HIVEP3: variants seen among roughly 807,000 people sequenced by gnomAD.
The protein encoded by HIVEP3 is HIVEP zinc finger 3, also known as transcription factor HIVEP3.
A neutral mutation model predicts 152.8 loss-of-function variants in HIVEP3; 49 were observed. The observed-to-expected ratio is 0.32, with a 90% CI of 0.26 to 0.41. HIVEP3 has a LOEUF of 0.41. Among genes scored for constraint, HIVEP3 ranks in the 10% least tolerant of loss-of-function variants. The probability of loss-of-function intolerance (pLI) is 1.00; values close to 1 mark genes in which losing one functional copy is unlikely to be tolerated. For synonymous variants in HIVEP3, 1,269 were observed against 1,289.0 expected (o/e 0.98, Z 0.33); for missense variants, 2,790 against 3,103.3 (o/e 0.90, Z 2.40).
chr1:41,805,662 C>T lies in HIVEP3; in HGVS notation c.-800-104667G>A, dbSNP rs148591749. Among the ~76,000 whole-genome samples, 311 of 152,304 alleles carry T rather than the reference C, an allele frequency of 2.0e-3. 1 individual carries two copies. The highest frequency in any genetic ancestry group is 4.8e-3 in the Admixed American group (74 of 15,302). On this transcript the variant is annotated intron_variant, in intron 1 of 8. Transcript: ENST00000372583. ...TCACTGCATCCCAGGCAAGAGGATACGTGACCAAGAGCTGGAGTCCTCTTT... is the reference window on the plus strand; with the variant it reads ...TCACTGCATCCCAGGCAAGAGGATATGTGACCAAGAGCTGGAGTCCTCTTT...
intron 1 of HIVEP3, among the ~76,000 whole-genome samples, chr1:41,826,393 G>C (rs976444799): frequency 2.0e-5 from 3 of 152,172 alleles, no homozygotes; most frequent in African/African-American, 4.8e-5. Context: ...GCATGGGTGT[G>C]AGATGCCCTG....
intron 1 of HIVEP3, among the ~76,000 whole-genome samples, chr1:41,721,746 A>G (rs1208599032): frequency 6.6e-6 from 1 of 152,242 alleles, no homozygotes; most frequent in Non-Finnish European, 1.5e-5. Flanking sequence ...GGGTTGAGTC[A>G]TGGACTCACA....
At position 41,581,697 on chromosome 1, in the gene HIVEP3, C is replaced by G; in HGVS notation, c.3101G>C (p.Arg1034Pro). ...SAPAPVAPPA[R>P]VAPPERRKCF... ...TTTTCTTCTCTCTGGCGGGGCCACC[C>G]GCGCTGGTGGAGCCACTGGGGCTGG... Residue 1034 changes from arginine (R) to proline (P), a missense_variant, in exon 4 of 9, where the codon CGG becomes CCG. Around this residue, in one of 9 missense-constraint regions of HIVEP3, gnomAD observed 1,078 missense variants for 1,165.3 expected, o/e 0.93. Coordinates refer to ENST00000372583, the MANE Select transcript of HIVEP3 (RefSeq NM_024503.5). The surrounding 1 kb of genome is among the most constrained non-coding windows in gnomAD (Gnocchi z 4.5). 2 of 1,613,614 alleles carry G rather than the reference C, an allele frequency of 1.2e-6. No individual in the cohort carries two copies. Among genetic ancestry groups the G allele is most frequent in the Non-Finnish European group, 1.7e-6 (2 of 1,179,804 alleles).
Position 41,580,052 on chromosome 1 carries a change from C to T in HIVEP3, c.4746G>A (p.Lys1582=). The T allele has an allele frequency of 6.2e-7, 1 of 1,614,228 alleles. No individual in the cohort carries two copies. Among genetic ancestry groups the T allele is most frequent in the Non-Finnish European group, 8.5e-7 (1 of 1,180,042 alleles). The change falls in exon 4 of 9, where the codon AAG becomes AAA. Residue 1582 remains lysine (K), a synonymous_variant. Transcript: ENST00000372583. Reference sequence around the variant, plus strand: ...TCTTTGAGTCCGTACCTTCTTGTGACTTGGCTGGTCTGGAGGACGTTTCTG... The same window carrying T: ...TCTTTGAGTCCGTACCTTCTTGTGATTTGGCTGGTCTGGAGGACGTTTCTG... ...PLSETSSRPA[K]SQEGTDSKKV...
At position 41,662,790 on chromosome 1, in the gene HIVEP3, C is replaced by T. The variant is rs1645737772; in HGVS notation, c.-720-33843G>A. ...CAGACAGGGAAGCCCCTGTCGCCGCCGCCGGGGCCCTGCCACTCTGCGCCA... is the reference window on the plus strand; with the variant it reads ...CAGACAGGGAAGCCCCTGTCGCCGCTGCCGGGGCCCTGCCACTCTGCGCCA... On this transcript the variant is annotated intron_variant, in intron 2 of 8. Transcript: ENST00000372583. This position sits in a 1 kb window ranked among gnomAD's most constrained non-coding sequence, Gnocchi z 7.2. Among the ~76,000 whole-genome samples, 1 of 151,948 alleles carries T rather than the reference C, an allele frequency of 6.6e-6. No individual in the cohort carries two copies. Among genetic ancestry groups the T allele is most frequent in the Admixed American group, 6.5e-5 (1 of 15,282 alleles).
At position 41,583,936 on chromosome 1, in the gene HIVEP3, T is replaced by C. The variant is rs781335169; in HGVS notation, c.862A>G (p.Thr288Ala). 32 of 1,614,062 alleles carry C rather than the reference T, an allele frequency of 2.0e-5. No individual in the cohort carries two copies. The highest frequency in any genetic ancestry group is 2.5e-5 in the Non-Finnish European group (30 of 1,180,000). The change falls in exon 4 of 9, where the codon ACT becomes GCT. Residue 288 changes from threonine to alanine, a missense_variant. Around this residue, in one of 9 missense-constraint regions of HIVEP3, gnomAD observed 125 missense variants for 130.1 expected, o/e 0.96. Transcript: ENST00000372583. The surrounding 1 kb of genome is among the most constrained non-coding windows in gnomAD (Gnocchi z 6.9). ...EGESTDSEEE[T>A]SATSGHPAEL... is the part of the protein sequence containing the mutation. ...GCAGGGTGACCAGAGGTGGCACTAG[T>C]CTCCTCTTCAGAATCTGTGCTTTCT...
chr1:41,585,751 C>G (rs72953327), intron 3 of HIVEP3, among the ~76,000 whole-genome samples: 3 of 152,160 alleles, frequency 2.0e-5, no homozygotes, highest in African/African-American at 7.2e-5. Flanking sequence ...GACTGTGCCT[C>G]GGAGCTGCAG....
rs756553493 is a variant in HIVEP3, at chr1:41,740,563, CAG to C, written c.-800-39570_-800-39569del. On this transcript the variant is annotated intron_variant, in intron 1 of 8. Coordinates refer to ENST00000372583, the MANE Select transcript of HIVEP3 (RefSeq NM_024503.5). ...GGAAGAAGGTAAAAACTGCCATATA[CAG>C]AGAGGCTGGCTCTGGGGCATGTGTC... Among the ~76,000 whole-genome samples, 15 of 152,346 alleles carry C rather than the reference CAG, an allele frequency of 9.8e-5. No homozygotes were observed. In the South Asian group the frequency reaches 3.1e-3, roughly 32 times the overall value.
chr1:41,982,969 G>A (rs1461699650), intron 1 of HIVEP3, among the ~76,000 whole-genome samples: 1 of 152,178 alleles, frequency 6.6e-6, no homozygotes, highest in Admixed American at 6.5e-5. Context: ...CCGGTAGCAG[G>A]GGAACGGTTT....
intron 1 of HIVEP3, among the ~76,000 whole-genome samples, chr1:42,017,641 GATTT>G (rs1217356483): frequency 3.9e-5 from 6 of 152,028 alleles, no homozygotes; most frequent in African/African-American, 9.7e-5. Flanking sequence ...TCCATATATT[GATTT>G]ATTTATCTAT....
intron 1 of HIVEP3, among the ~76,000 whole-genome samples, chr1:41,734,581 TG>T (rs1289192419): frequency 1.3e-5 from 2 of 152,160 alleles, no homozygotes; most frequent in Non-Finnish European, 2.9e-5. Context: ...AAAGGCCCTT[TG>T]GGCTGCCATG....
intron 5 of HIVEP3, among the ~76,000 whole-genome samples, chr1:41,535,006 G>A (rs936113920): frequency 3.3e-5 from 5 of 152,052 alleles, no homozygotes; most frequent in African/African-American, 9.7e-5. Context: ...GCAGAGCACG[G>A]TCACATGGCG....
intron 2 of HIVEP3, among the ~76,000 whole-genome samples, chr1:41,650,009 C>T (rs1402497310): frequency 2.0e-5 from 3 of 151,858 alleles, no homozygotes; most frequent in Non-Finnish European, 2.9e-5. Flanking sequence ...TGGCCGGGAA[C>T]GGAAACGGAA....
intron 2 of HIVEP3, among the ~76,000 whole-genome samples, chr1:41,648,325 G>A (rs756696759): frequency 2.0e-5 from 3 of 152,036 alleles, no homozygotes; most frequent in Admixed American, 6.5e-5. Flanking sequence ...AAACGAGCAT[G>A]CATCGGCACA....
In HIVEP3 at chr1:41,662,372, C is replaced by G. The variant is rs1005150809; in HGVS notation, c.-720-33425G>C. The G allele has an allele frequency of 6.8e-6, 1 of 147,694 alleles. No homozygotes were observed. The highest frequency in any genetic ancestry group is 6.7e-5 in the Admixed American group (1 of 14,878). 9.1% of individuals were successfully genotyped at this position (147,694 alleles called of 1,614,324 possible). A position where few individuals can be genotyped will look rare whatever the true frequency, so the allele number is the denominator to read the frequency against. On this transcript the variant is annotated intron_variant, in intron 2 of 8. Coordinates refer to ENST00000372583, the MANE Select transcript of HIVEP3 (RefSeq NM_024503.5). This position sits in a 1 kb window ranked among gnomAD's most constrained non-coding sequence, Gnocchi z 7.2. ...GCGGGCGCGGCTCCGGGCCGCCCCG[C>G]GGCCGCTTGGAAGCTCCTTATTTGG...
intron 1 of HIVEP3, among the ~76,000 whole-genome samples, chr1:41,805,229 C>A (rs768004534): frequency 2.0e-5 from 3 of 152,122 alleles, no homozygotes; most frequent in Non-Finnish European, 4.4e-5. Context: ...CCCAGCTACT[C>A]GGGAGACTGA....
intron 1 of HIVEP3, among the ~76,000 whole-genome samples, chr1:41,957,954 T>C (rs930084914): frequency 5.3e-5 from 8 of 152,190 alleles, no homozygotes; most frequent in Admixed American, 1.3e-4. Context: ...CTTCTATTCA[T>C]AGATATCCTG....
At chr1:41,744,769 A>G (rs1647048124) in intron 1 of HIVEP3, among the ~76,000 whole-genome samples, 1 of 152,236 alleles carries the variant, frequency 6.6e-6, no homozygotes, top group Non-Finnish European at 1.5e-5. Context: ...CTAACATATT[A>G]CATTCCAACA....
At chr1:41,645,138 G>A (rs1453615294) in intron 2 of HIVEP3, among the ~76,000 whole-genome samples, 1 of 152,162 alleles carries the variant, frequency 6.6e-6, no homozygotes, top group Non-Finnish European at 1.5e-5. Flanking sequence ...TCCAGCCCCT[G>A]CTGCTATCCC....
Sources: gnomAD v4.1 joint callset for allele counts (sites outside exome capture counted in the v4.1 genomes callset) on GRCh38, gnomAD v4.1.1 for gene constraint, gnomAD v4.1.1 regional missense constraint, Gnocchi (gnomAD v3.1) non-coding constraint, MANE v1.5 for transcripts, NCBI Gene and HGNC (gene_info 2026-07-23, HGNC 2026-07-21) for gene names.